Variants in TRPM6 observed in about 807,000 individuals in gnomAD.
TRPM6 encodes the protein transient receptor potential cation channel subfamily M member 6, also known as channel kinase 2.
Under a neutral mutation model 247.6 loss-of-function variants are expected in TRPM6, and 111 were observed. That is an observed-to-expected ratio of 0.45 (90% confidence interval 0.38 to 0.52). The LOEUF (loss-of-function observed/expected upper bound fraction) is 0.52, where lower values mean the gene tolerates loss of function less well. Among genes scored for constraint, TRPM6 ranks in the 20% least tolerant of loss-of-function variants. The pLI, the probability that TRPM6 is intolerant of heterozygous loss-of-function variation, is 0.00. For synonymous variants in TRPM6, 892 were observed against 853.8 expected, an observed-to-expected ratio of 1.04 and a Z score of -0.78; for missense variants, 2,126 against 2,421.5, an observed-to-expected ratio of 0.88 and a Z score of 2.56.
chr9:74,780,811 G>A (rs1297293188), intron 23 of TRPM6, among the ~76,000 whole-genome samples: 1 of 152,132 alleles, frequency 6.6e-6, no homozygotes, highest in Non-Finnish European at 1.5e-5. Flanking sequence ...ACAGAATCAT[G>A]GTGTAGAGCA....
chr9:74,855,518 A>G lies in TRPM6; in HGVS notation c.152+9T>C, dbSNP rs775614181. Reference sequence around the variant, plus strand: ...AAGCTAAAAGGAATCTTGCTTATCTAAGTCTTACCTGATTAAATTCTGGCA... The same window carrying G: ...AAGCTAAAAGGAATCTTGCTTATCTGAGTCTTACCTGATTAAATTCTGGCA... On this transcript the variant is annotated intron_variant, in intron 3 of 38. Coordinates refer to ENST00000360774, the MANE Select transcript of TRPM6 (RefSeq NM_017662.5). 6 of 1,598,748 alleles carry G rather than the reference A, an allele frequency of 3.8e-6. No homozygotes were observed. The highest frequency in any genetic ancestry group is 1.1e-5 in the South Asian group (1 of 90,756).
At chr9:74,875,923 C>A (rs1304368923) in intron 1 of TRPM6, among the ~76,000 whole-genome samples, 1 of 152,212 alleles carries the variant, frequency 6.6e-6, no homozygotes, top group African/African-American at 2.4e-5. Flanking sequence ...GAAGATAATT[C>A]TCTTTCCTGA....
chr9:74,808,393 A>G (rs560757264), intron 13 of TRPM6, among the ~76,000 whole-genome samples: 2 of 152,314 alleles, frequency 1.3e-5, no homozygotes, highest in East Asian at 3.9e-4. Context: ...CATAGACATT[A>G]AATGTGTGCT....
intron 21 of TRPM6, among the ~76,000 whole-genome samples, chr9:74,784,085 G>A (rs774986817): frequency 1.4e-4 from 22 of 151,990 alleles, no homozygotes; most frequent in African/African-American, 4.3e-4. Flanking sequence ...GTGAAACCCC[G>A]TCTCTACTAA....
chr9:74,763,812 C>T (rs1826735712), intron 25 of TRPM6, among the ~76,000 whole-genome samples: 2 of 152,184 alleles, frequency 1.3e-5, no homozygotes, highest in Admixed American at 6.5e-5. Context: ...CAACACAACA[C>T]ATGTTCACCT....
intron 3 of TRPM6, among the ~76,000 whole-genome samples, chr9:74,852,915 C>A (rs929472281): frequency 6.6e-6 from 1 of 152,166 alleles, no homozygotes; most frequent in Non-Finnish European, 1.5e-5. Context: ...GCAGCCACCC[C>A]GTCTGGGAAG....
At chr9:74,811,570 T>C (rs541519951) in intron 12 of TRPM6, among the ~76,000 whole-genome samples, 2 of 152,222 alleles carry the variant, frequency 1.3e-5, no homozygotes, top group South Asian at 4.1e-4. Flanking sequence ...ATAGTGGCCT[T>C]AGGTTGAGAT....
chr9:74,861,939 A>G (rs981721002), intron 1 of TRPM6, among the ~76,000 whole-genome samples: 28 of 152,090 alleles, frequency 1.8e-4, no homozygotes, highest in Admixed American at 1.8e-3. Flanking sequence ...GCCTAACCCA[A>G]TGATTGTTGA....
At chr9:74,726,656 G>C (rs954590868) in intron 38 of TRPM6, among the ~76,000 whole-genome samples, 4 of 152,224 alleles carry the variant, frequency 2.6e-5, no homozygotes, top group African/African-American at 7.2e-5. Context: ...TGGCTCCTTA[G>C]ATGTAGTACT....
intron 11 of TRPM6, among the ~76,000 whole-genome samples, chr9:74,812,674 G>A (rs1828777529): frequency 6.6e-6 from 1 of 151,992 alleles, no homozygotes; most frequent in Admixed American, 6.6e-5. Context: ...TGGATTGCTT[G>A]AGTTTAGGTG....
rs1159781652 is a variant in TRPM6, at chr9:74,861,626, A to G, written c.34-2878T>C. On this transcript the variant is annotated intron_variant, in intron 1 of 38. Coordinates refer to ENST00000360774, the MANE Select transcript of TRPM6 (RefSeq NM_017662.5). The stretch of plus-strand genomic sequence containing the variant: ...TTTGTCTATCAAAATGGGGATAATA[A>G]TAGTACCTCATAGAACTATTGAAAG... Among the ~76,000 whole-genome samples, 3 of 152,342 alleles carry G rather than the reference A, an allele frequency of 2.0e-5. No individual in the cohort carries two copies. The East Asian group carries it at 5.8e-4, about 29-fold the overall frequency.
intron 23 of TRPM6, among the ~76,000 whole-genome samples, chr9:74,780,042 T>TGG (rs1827376167): frequency 6.6e-6 from 1 of 151,288 alleles, no homozygotes; most frequent in Non-Finnish European, 1.5e-5. Flanking sequence ...TGTGGTGGCA[T>TGG]GCACCTGTAG....
intron 25 of TRPM6, 42 bp downstream of exon 25, chr9:74,771,658 CGTT>C (rs1461984291): frequency 6.3e-7 from 1 of 1,597,200 alleles, no homozygotes; most frequent in Admixed American, 1.7e-5. Context: ...AGCAGAATCA[CGTT>C]GTGTTAGTGG....
chr9:74,773,676 T>C (rs913216215), intron 24 of TRPM6, among the ~76,000 whole-genome samples: 26 of 152,194 alleles, frequency 1.7e-4, no homozygotes, highest in African/African-American at 6.0e-4. Context: ...TGGTTTTGCT[T>C]ACATTAGGAG....
At chr9:74,746,014 G>C (rs758951917) in intron 31 of TRPM6, among the ~76,000 whole-genome samples, 1 of 152,130 alleles carries the variant, frequency 6.6e-6, no homozygotes, top group Non-Finnish European at 1.5e-5. Flanking sequence ...AGGCCGAGGC[G>C]AGCAGATCAC....
rs755250198 is a variant in TRPM6 at position 74,752,316 on chromosome 9, A to G, written c.4959T>C (p.Cys1653=). ...QKMKTKEIGQ[C]AIQISDYLKQ... ...TTAGGTAATCACTGATTTGTATAGC[A>G]CATTGTCCAATTTCTTTAGTTTTCA... Residue 1653 remains cysteine, a synonymous_variant, in exon 29 of 39, where the codon TGT becomes TGC. Coordinates refer to ENST00000360774, the MANE Select transcript of TRPM6 (RefSeq NM_017662.5). 1.2e-6 allele frequency: 2 copies of G among 1,602,676 alleles called. No homozygotes were observed. Among genetic ancestry groups the G allele is most frequent in the Admixed American group, 3.3e-5 (2 of 59,718 alleles).
intron 13 of TRPM6, among the ~76,000 whole-genome samples, chr9:74,809,193 G>T (rs1395285365): frequency 6.6e-6 from 1 of 152,166 alleles, no homozygotes; most frequent in African/African-American, 2.4e-5. Flanking sequence ...AAAACCATGA[G>T]GCTGTGCCAA....
intron 1 of TRPM6, among the ~76,000 whole-genome samples, chr9:74,867,314 C>G (rs981183991): frequency 3.9e-5 from 6 of 152,282 alleles, no homozygotes; most frequent in African/African-American, 1.4e-4. Context: ...TCTGAGGACC[C>G]TCTGAAAAGG....
chr9:74,778,686 A>G (rs540967689), intron 23 of TRPM6, among the ~76,000 whole-genome samples: 58 of 152,198 alleles, frequency 3.8e-4, no homozygotes, highest in Non-Finnish European at 5.3e-4. Flanking sequence ...AGACCCAAAC[A>G]TGATGCACAC....
Sources: allele counts gnomAD v4.1 joint callset (sites outside exome capture counted in the v4.1 genomes callset), GRCh38; gene constraint gnomAD v4.1.1; transcripts MANE v1.5; gene names NCBI Gene and HGNC (gene_info 2026-07-23, HGNC 2026-07-21).